Variants in HPCAL1 observed in about 807,000 individuals in gnomAD.
The protein encoded by HPCAL1 is hippocalcin like 1.
In HPCAL1, 8 loss-of-function variants were observed where a neutral mutation model predicts 17.1. The ratio of observed to expected loss-of-function variants is 0.47; its 90% CI spans 0.27 to 0.84. The LOEUF (loss-of-function observed/expected upper bound fraction) is 0.84, where lower values mean the gene tolerates loss of function less well. HPCAL1 is among the 40% of genes least tolerant of loss of function. The probability of loss-of-function intolerance (pLI) is 0.13; values close to 1 mark genes in which losing one functional copy is unlikely to be tolerated. For missense variants in HPCAL1, 165 were observed against 271.1 expected (o/e 0.61, Z 2.75); for synonymous variants, 112 against 111.4 (o/e 1.01, Z -0.03).
chr2:10,410,558 G>T (rs1328800949), intron 2 of HPCAL1, among the ~76,000 whole-genome samples: 1 of 145,886 alleles, frequency 6.9e-6, no homozygotes, highest in African/African-American at 2.5e-5. Context: ...TTCCATCACC[G>T]TGAATTACAA....
rs1281128469 is a variant in HPCAL1, at chr2:10,342,829, T to G, written c.-111+39652T>G. ...GGCCGGCCTCTGAGGATTCTCTTCT[T>G]CTGTCCATCTCATGGCTGAAGACCA... On this transcript the variant is annotated intron_variant, in intron 1 of 4. Transcript: ENST00000307845. The surrounding 1 kb of genome is among the most constrained non-coding windows in gnomAD (Gnocchi z 4.1). 6.6e-6 allele frequency among the ~76,000 whole-genome samples: 1 copy of G among 152,214 alleles called. No individual in the cohort carries two copies. The highest frequency in any genetic ancestry group is 1.5e-5 in the Non-Finnish European group (1 of 68,032).
Position 10,355,619 on chromosome 2 carries a change from A to G in HPCAL1, c.-110-41216A>G, listed in dbSNP as rs572522394. Among the ~76,000 whole-genome samples the G allele has an allele frequency of 6.7e-3, 1,026 of 152,198 alleles. 6 individuals carry two copies. Among genetic ancestry groups the G allele is most frequent in the Non-Finnish European group, 0.012 (802 of 68,004 alleles). On this transcript the variant is annotated intron_variant, in intron 1 of 4. Coordinates refer to ENST00000307845, the MANE Select transcript of HPCAL1 (RefSeq NM_002149.4). ...TCGTTTTCCTGGAGACACTGTTGCT[A>G]CTTTGCTGGCTTATACAGGGACACC...
chr2:10,361,187 TG>T (rs1423657441), intron 1 of HPCAL1, among the ~76,000 whole-genome samples: 1 of 149,902 alleles, frequency 6.7e-6, no homozygotes, highest in Non-Finnish European at 1.5e-5. Context: ...CGTGGGCTCC[TG>T]GGTGGGTGGT....
chr2:10,327,362 A>G (rs1664079669), intron 1 of HPCAL1, among the ~76,000 whole-genome samples: 1 of 152,208 alleles, frequency 6.6e-6, no homozygotes, highest in Non-Finnish European at 1.5e-5. Flanking sequence ...GGATCATACC[A>G]GTGACTTCTT....
intron 1 of HPCAL1, among the ~76,000 whole-genome samples, chr2:10,396,402 C>T (rs944003805): frequency 1.3e-5 from 2 of 152,202 alleles, no homozygotes; most frequent in Admixed American, 6.5e-5. Flanking sequence ...ACTGAACCCT[C>T]GTAACAGCCC....
In HPCAL1 at chr2:10,422,976, T is replaced by C. The variant is rs779982195; in HGVS notation, c.379-7T>C. 3.2e-5 allele frequency: 52 copies of C among 1,606,176 alleles called. No individual in the cohort carries two copies. Among genetic ancestry groups the C allele is most frequent in the Non-Finnish European group, 4.2e-5 (49 of 1,173,676 alleles). ...TCTGAGCACAGTGTCATTGCCCCCA[T>C]CCGCAGGCCATCTACAAGATGGTGT... On this transcript the variant is annotated splice_polypyrimidine_tract_variant and splice_region_variant and intron_variant, in intron 3 of 4. Transcript: ENST00000307845.
At chr2:10,414,144 T>C (rs1288843352) in intron 2 of HPCAL1, among the ~76,000 whole-genome samples, 1 of 152,234 alleles carries the variant, frequency 6.6e-6, no homozygotes, top group Non-Finnish European at 1.5e-5. Flanking sequence ...TCTGACAAAA[T>C]GGGCCCCACA....
chr2:10,388,713 C>T (rs750094361), intron 1 of HPCAL1, among the ~76,000 whole-genome samples: 39 of 152,240 alleles, frequency 2.6e-4, no homozygotes, highest in Admixed American at 7.2e-4. Context: ...AAGTCCCACT[C>T]CCTGCCGACC....
intron 2 of HPCAL1, among the ~76,000 whole-genome samples, chr2:10,416,048 C>T (rs1478787694): frequency 6.6e-6 from 1 of 152,196 alleles, no homozygotes; most frequent in Non-Finnish European, 1.5e-5. Context: ...GTGGGTTCTC[C>T]CTCAGGTGCC....
intron 1 of HPCAL1, among the ~76,000 whole-genome samples, chr2:10,339,080 G>C (rs1026708859): frequency 1.3e-5 from 2 of 152,114 alleles, no homozygotes; most frequent in Non-Finnish European, 2.9e-5. Context: ...CACATGCCAG[G>C]ACTTGTTTGC....
At chr2:10,399,531 G>A (rs1191307418) in intron 2 of HPCAL1, among the ~76,000 whole-genome samples, 1,199 of 29,942 alleles carry the variant, frequency 0.04, 27 homozygotes, top group Middle Eastern at 0.13. Flanking sequence ...CACCGCCACT[G>A]CCACCGCCAC....
intron 1 of HPCAL1, among the ~76,000 whole-genome samples, chr2:10,340,440 T>C (rs1405889362): frequency 2.0e-5 from 3 of 152,242 alleles, no homozygotes; most frequent in African/African-American, 7.2e-5. Context: ...GTTCTAGTTA[T>C]TAATGTGCCT....
intron 1 of HPCAL1, among the ~76,000 whole-genome samples, chr2:10,374,642 T>C (rs1393914406): frequency 6.6e-6 from 1 of 152,204 alleles, no homozygotes; most frequent in Non-Finnish European, 1.5e-5. Flanking sequence ...GCGTATTTAA[T>C]TCAACTATAG....
intron 2 of HPCAL1, among the ~76,000 whole-genome samples, chr2:10,399,543 A>ACCGCCACCGC (rs1558518819): frequency 3.0e-5 from 3 of 99,430 alleles, no homozygotes; most frequent in African/African-American, 1.7e-4. Context: ...CACCGCCACC[A>ACCGCCACCGC]TCACCGCCAC....
In HPCAL1 at chr2:10,394,142, C is replaced by G. The variant is rs1326527637; in HGVS notation, c.-110-2693C>G. ...GAAAAACAAACAAACAAAAAAAAAA[C>G]CTTGTAACTAACCAGAGCAGCTGAA... On this transcript the variant is annotated intron_variant, in intron 1 of 4. Transcript: ENST00000307845. This position sits in a 1 kb window ranked among gnomAD's most constrained non-coding sequence, Gnocchi z 5.0. Among the ~76,000 whole-genome samples the G allele has an allele frequency of 6.6e-6, 1 of 151,506 alleles. No homozygotes were observed. Among genetic ancestry groups the G allele is most frequent in the Non-Finnish European group, 1.5e-5 (1 of 67,842 alleles).
rs900130143 is a variant in HPCAL1, at chr2:10,394,635, TG to T, written c.-110-2194del. Reference sequence around the variant, plus strand: ...GGAACCCTAACGTGAGCTGCGGACCTGGGGGGTGATGATGGTCAGTGCAGGT... The same window carrying T: ...GGAACCCTAACGTGAGCTGCGGACCTGGGGGTGATGATGGTCAGTGCAGGT... On this transcript the variant is annotated intron_variant, in intron 1 of 4. Transcript: ENST00000307845. The surrounding 1 kb of genome is among the most constrained non-coding windows in gnomAD (Gnocchi z 5.0). Among the ~76,000 whole-genome samples the T allele has an allele frequency of 5.3e-5, 8 of 152,126 alleles. No individual in the cohort carries two copies. The highest frequency in any genetic ancestry group is 1.9e-4 in the African/African-American group (8 of 41,510).
intron 2 of HPCAL1, among the ~76,000 whole-genome samples, chr2:10,411,866 C>T (rs1670380035): frequency 6.6e-6 from 1 of 152,220 alleles, no homozygotes; most frequent in Non-Finnish European, 1.5e-5. Flanking sequence ...GCAGACTTCC[C>T]TCAACTCACC....
At chr2:10,334,116 G>A (rs1181345871) in intron 1 of HPCAL1, among the ~76,000 whole-genome samples, 1 of 152,186 alleles carries the variant, frequency 6.6e-6, no homozygotes, top group African/African-American at 2.4e-5. Context: ...GATCATATTT[G>A]TGCGCGTTTT....
Position 10,419,477 on chromosome 2 carries a change from AT to A in HPCAL1, c.-24-253del, listed in dbSNP as rs1572864659. ...CCCTGTTCCACTGATTTTAAGTTGC[AT>A]TTTCCCCCCCGCATTTCCACATTCT... On this transcript the variant is annotated intron_variant, in intron 2 of 4. Transcript: ENST00000307845. The surrounding 1 kb of genome is among the most constrained non-coding windows in gnomAD (Gnocchi z 5.0). Among the ~76,000 whole-genome samples the A allele has an allele frequency of 1.3e-5, 2 of 151,530 alleles. No homozygotes were observed. Among genetic ancestry groups the A allele is most frequent in the East Asian group, 3.9e-4 (2 of 5,118 alleles).
Sources: gnomAD v4.1 joint callset for allele counts (sites outside exome capture counted in the v4.1 genomes callset) on GRCh38, gnomAD v4.1.1 for gene constraint, Gnocchi (gnomAD v3.1) non-coding constraint, MANE v1.5 for transcripts, NCBI Gene and HGNC (gene_info 2026-07-23, HGNC 2026-07-21) for gene names.